The following ROBO1 variants were observed in gnomAD, a reference collection of about 807,000 sequenced individuals.
The protein encoded by ROBO1 is roundabout homolog 1.
ROBO1 carries 149 observed loss-of-function variants against 195.9 expected under a neutral mutation model. That is an observed-to-expected ratio of 0.76 (90% confidence interval 0.67 to 0.87). ROBO1 has a LOEUF of 0.87. ROBO1 is among the 40% of genes least tolerant of loss of function. The probability of loss-of-function intolerance (pLI) is 0.00; values close to 1 mark genes in which losing one functional copy is unlikely to be tolerated. For synonymous variants in ROBO1, 816 were observed against 733.2 expected, an observed-to-expected ratio of 1.11 and a Z score of -1.82; for missense variants, 1,933 against 2,068.3, an observed-to-expected ratio of 0.93 and a Z score of 1.27.
rs1287260793 is a variant in ROBO1 at position 79,568,522 on chromosome 3, C to T, written c.88+21302G>A. 4.4e-3 allele frequency among the ~76,000 whole-genome samples: 515 copies of T among 118,386 alleles called. 3 individuals carry two copies. The highest frequency in any genetic ancestry group is 0.014 in the African/African-American group (430 of 31,232). The allele number at this position is 118,386 out of a possible 152,430, so 77.7% of individuals were successfully genotyped here. A position where few individuals can be genotyped will look rare whatever the true frequency, so the allele number is the denominator to read the frequency against. Reference sequence around the variant, plus strand: ...AGATTGATTGAATTTTTTTCTTTTTCTCATTGGGACGCTTGCCTTCTCTTT... The same window carrying T: ...AGATTGATTGAATTTTTTTCTTTTTTTCATTGGGACGCTTGCCTTCTCTTT... On this transcript the variant is annotated intron_variant, in intron 2 of 30. Coordinates refer to ENST00000464233, the MANE Select transcript of ROBO1 (RefSeq NM_002941.4).
chr3:79,312,278 C>T (rs1033700016), intron 2 of ROBO1, among the ~76,000 whole-genome samples: 6 of 152,260 alleles, frequency 3.9e-5, no homozygotes, highest in South Asian at 4.1e-4. Context: ...GTTTTCTGAT[C>T]GCCACATCTG....
chr3:78,660,800 G>A (rs1451516944), intron 16 of ROBO1: 2 of 404,174 alleles, frequency 4.9e-6, no homozygotes, highest in African/African-American at 2.0e-5. Flanking sequence ...GTAATATAAT[G>A]TTCACATTTA....
At chr3:79,489,459 T>G (rs1396380278) in intron 2 of ROBO1, among the ~76,000 whole-genome samples, 3 of 151,830 alleles carry the variant, frequency 2.0e-5, no homozygotes, top group Non-Finnish European at 4.4e-5. Flanking sequence ...ATCGAGACCA[T>G]CCTGGCCAAC....
intron 10 of ROBO1, among the ~76,000 whole-genome samples, chr3:78,682,373 T>C (rs897144226): frequency 4.0e-5 from 6 of 151,124 alleles, no homozygotes; most frequent in African/African-American, 1.5e-4. Context: ...TACATTTATG[T>C]CATGTAAAAA....
intron 2 of ROBO1, among the ~76,000 whole-genome samples, chr3:79,272,221 A>G (rs2030629520): frequency 6.6e-6 from 1 of 152,078 alleles, no homozygotes; most frequent in South Asian, 2.1e-4. Flanking sequence ...GTAAAGAAAC[A>G]ATACCAGGAA....
At chr3:78,968,852 T>C (rs923949270) in intron 3 of ROBO1, among the ~76,000 whole-genome samples, 63 of 152,310 alleles carry the variant, frequency 4.1e-4, no homozygotes, top group African/African-American at 1.4e-3. Flanking sequence ...GGTTAAAAGA[T>C]GAATTTTATA....
intron 4 of ROBO1, among the ~76,000 whole-genome samples, chr3:78,922,610 T>C (rs1290449956): frequency 1.3e-5 from 2 of 148,758 alleles, no homozygotes; most frequent in African/African-American, 5.0e-5. Flanking sequence ...TTCTTCTTTT[T>C]TTTTTTTTTT....
intron 4 of ROBO1, among the ~76,000 whole-genome samples, chr3:78,877,478 T>C (rs2035924188): frequency 1.3e-5 from 2 of 152,026 alleles, no homozygotes; most frequent in African/African-American, 4.8e-5. Flanking sequence ...AAATAGTACA[T>C]TGGCTTAGGC....
intron 3 of ROBO1, among the ~76,000 whole-genome samples, chr3:79,105,284 A>C: frequency 6.6e-6 from 1 of 151,924 alleles, no homozygotes; most frequent in African/African-American, 2.4e-5. Context: ...CATGAGTGTA[A>C]GGGCAAGATG....
intron 2 of ROBO1, among the ~76,000 whole-genome samples, chr3:79,551,727 A>G (rs1034468145): frequency 2.6e-5 from 4 of 151,996 alleles, no homozygotes; most frequent in Non-Finnish European, 4.4e-5. Context: ...CTGGGGTGGT[A>G]CTTCATCATG....
At chr3:78,994,158 G>C (rs1446177111) in intron 3 of ROBO1, among the ~76,000 whole-genome samples, 2 of 152,110 alleles carry the variant, frequency 1.3e-5, no homozygotes, top group Non-Finnish European at 2.9e-5. Flanking sequence ...AGTTTTAAAA[G>C]GAAGCTTTCG....
intron 2 of ROBO1, among the ~76,000 whole-genome samples, chr3:79,547,761 G>C (rs969963772): frequency 9.9e-5 from 15 of 152,112 alleles, no homozygotes; most frequent in African/African-American, 3.6e-4. Context: ...TGTTAGGATT[G>C]TGGGAATCCA....
intron 1 of ROBO1, among the ~76,000 whole-genome samples, chr3:79,633,546 T>G (rs2108035813): frequency 6.6e-6 from 1 of 152,098 alleles, no homozygotes; most frequent in South Asian, 2.1e-4. Context: ...GAAATTAAAT[T>G]TAGTGTTAAT....
intron 2 of ROBO1, among the ~76,000 whole-genome samples, chr3:79,283,472 T>C (rs993605106): frequency 6.6e-6 from 1 of 152,236 alleles, no homozygotes; most frequent in Non-Finnish European, 1.5e-5. Context: ...CACTATTGAT[T>C]AAATAAAACA....
At chr3:78,954,693 T>A in intron 3 of ROBO1, among the ~76,000 whole-genome samples, 1 of 151,924 alleles carries the variant, frequency 6.6e-6, no homozygotes, top group Non-Finnish European at 1.5e-5. Flanking sequence ...TAGAACAAAT[T>A]ATATGGTACT....
intron 1 of ROBO1, among the ~76,000 whole-genome samples, chr3:79,679,999 T>C (rs1403532364): frequency 6.6e-6 from 1 of 152,010 alleles, no homozygotes; most frequent in Non-Finnish European, 1.5e-5. Context: ...ATGCTTCCAA[T>C]AACCCCCAAA....
At chr3:79,540,759 T>C (rs1454265514) in intron 2 of ROBO1, among the ~76,000 whole-genome samples, 19 of 152,164 alleles carry the variant, frequency 1.2e-4, no homozygotes. Context: ...AGTTATTTCA[T>C]TATCTTTTAA....
Position 78,717,827 on chromosome 3 carries a change from A to G in ROBO1, c.714T>C (p.Tyr238=), listed in dbSNP as rs760597644. 19 of 1,613,666 alleles carry G rather than the reference A, an allele frequency of 1.2e-5. No individual in the cohort carries two copies. In the South Asian group the frequency reaches 1.9e-4, roughly 16 times the overall value. The change falls in exon 6 of 31, where the codon TAT becomes TAC. Residue 238 remains tyrosine (Y), a synonymous_variant. Transcript: ENST00000464233. ...TYTRKSDAGK[Y]VCVGTNMVGE... ...CAACCATATTGGTACCAACACAAACATATTTGCCAGCGTCACTTTTACGGG... is the reference window on the plus strand; with the variant it reads ...CAACCATATTGGTACCAACACAAACGTATTTGCCAGCGTCACTTTTACGGG...
chr3:78,984,973 T>G (rs1226792274), intron 3 of ROBO1, among the ~76,000 whole-genome samples: 1 of 152,146 alleles, frequency 6.6e-6, no homozygotes, highest in Admixed American at 6.6e-5. Context: ...AAGATGAGGA[T>G]GAAGACTTTA....
Sources: allele counts gnomAD v4.1 joint callset (sites outside exome capture counted in the v4.1 genomes callset), GRCh38; gene constraint gnomAD v4.1.1; transcripts MANE v1.5; gene names NCBI Gene and HGNC (gene_info 2026-07-23, HGNC 2026-07-21).